DSCAML1: variants seen among roughly 807,000 people sequenced by gnomAD.
The protein encoded by DSCAML1 is cell adhesion molecule DSCAML1.
Under a neutral mutation model 200.5 loss-of-function variants are expected in DSCAML1, and 38 were observed. The observed-to-expected ratio is 0.19, with a 90% CI of 0.15 to 0.25. The LOEUF is 0.25. Among genes scored for constraint, DSCAML1 ranks in the 10% least tolerant of loss-of-function variants. The probability of loss-of-function intolerance (pLI) is 1.00; values close to 1 mark genes in which losing one functional copy is unlikely to be tolerated. For missense variants in DSCAML1, 2,223 were observed against 2,858.8 expected, an observed-to-expected ratio of 0.78 and a Z score of 5.07; for synonymous variants, 1,215 against 1,165.0, an observed-to-expected ratio of 1.04 and a Z score of -0.87.
At chr11:117,691,367 C>A (rs995453617) in intron 3 of DSCAML1, among the ~76,000 whole-genome samples, 16 of 152,170 alleles carry the variant, frequency 1.1e-4, no homozygotes, top group Non-Finnish European at 2.2e-4. Context: ...CTGCCAACGG[C>A]CTCCCCACTC....
At chr11:117,658,804 C>A (rs563518778) in intron 3 of DSCAML1, among the ~76,000 whole-genome samples, 1 of 152,342 alleles carries the variant, frequency 6.6e-6, no homozygotes, top group Non-Finnish European at 1.5e-5. Flanking sequence ...GTCAATGAAA[C>A]AAACCACACC....
At chr11:117,706,335 T>C (rs956595987) in intron 3 of DSCAML1, among the ~76,000 whole-genome samples, 7 of 152,204 alleles carry the variant, frequency 4.6e-5, no homozygotes, top group African/African-American at 1.7e-4. Context: ...TCCTGTTCTA[T>C]GCTGAGAGAA....
chr11:117,446,051 A>G (rs1268835246), intron 20 of DSCAML1, among the ~76,000 whole-genome samples: 1 of 152,214 alleles, frequency 6.6e-6, no homozygotes, highest in Non-Finnish European at 1.5e-5. Flanking sequence ...TGTAAAAAGA[A>G]AAACTATGAT....
intron 3 of DSCAML1, among the ~76,000 whole-genome samples, chr11:117,587,843 G>C (rs2051180340): frequency 6.6e-6 from 1 of 152,150 alleles, no homozygotes; most frequent in Admixed American, 6.5e-5. Context: ...TCCCTCCCAG[G>C]GGTGTGGGGA....
chr11:117,499,399 A>T (rs1323892384), intron 11 of DSCAML1, among the ~76,000 whole-genome samples: 1 of 152,142 alleles, frequency 6.6e-6, no homozygotes, highest in Non-Finnish European at 1.5e-5. Context: ...ACTAGATCTT[A>T]GTTCAGGCCT....
intron 3 of DSCAML1, among the ~76,000 whole-genome samples, chr11:117,580,091 CCTT>C (rs1845844162): frequency 6.6e-6 from 1 of 152,086 alleles, no homozygotes; most frequent in African/African-American, 2.4e-5. Flanking sequence ...GTGCTGAGCT[CCTT>C]AAGTGTTCGT....
intron 21 of DSCAML1, 26 bp downstream of exon 21, chr11:117,443,860 C>T (rs76148440): frequency 6.4e-7 from 1 of 1,561,226 alleles, no homozygotes. Flanking sequence ...GTGTTTGCCC[C>T]TCTGCCACAG....
At chr11:117,586,219 G>A (rs1591295329) in intron 3 of DSCAML1, among the ~76,000 whole-genome samples, 1 of 140,984 alleles carries the variant, frequency 7.1e-6, no homozygotes, top group Admixed American at 7.1e-5. Flanking sequence ...TCCTAGGGCT[G>A]TATTCTCTAC....
At chr11:117,748,884 T>A (rs183844531) in intron 3 of DSCAML1, among the ~76,000 whole-genome samples, 1 of 152,140 alleles carries the variant, frequency 6.6e-6, no homozygotes. Context: ...AGCAGCAAGA[T>A]GGAGGGTCCC....
At chr11:117,530,910 A>G (rs1385814668) in intron 4 of DSCAML1, among the ~76,000 whole-genome samples, 3 of 152,156 alleles carry the variant, frequency 2.0e-5, no homozygotes, top group Non-Finnish European at 2.9e-5. Context: ...CAAAAACTCC[A>G]ATCTCAAGAC....
chr11:117,517,207 A>G (rs1307456843), intron 7 of DSCAML1, among the ~76,000 whole-genome samples: 1 of 152,250 alleles, frequency 6.6e-6, no homozygotes, highest in Non-Finnish European at 1.5e-5. Context: ...TAATTACTTA[A>G]AAACAACAGG....
intron 3 of DSCAML1, among the ~76,000 whole-genome samples, chr11:117,618,148 A>G (rs1295333059): frequency 2.6e-5 from 4 of 152,222 alleles, no homozygotes; most frequent in African/African-American, 9.6e-5. Flanking sequence ...AAGCTATTCA[A>G]TACAGCTCCT....
chr11:117,481,106 G>T, intron 13 of DSCAML1, 68 bp downstream of exon 13: 1 of 1,447,414 alleles, frequency 6.9e-7, no homozygotes, highest in Non-Finnish European at 9.7e-7. Flanking sequence ...GCTCTTTGAG[G>T]TGGAGTTAGC....
intron 15 of DSCAML1, among the ~76,000 whole-genome samples, chr11:117,471,321 G>A (rs1361851092): frequency 2.6e-5 from 4 of 152,058 alleles, no homozygotes; most frequent in Non-Finnish European, 4.4e-5. Flanking sequence ...ACAGGCATGC[G>A]CCACCACGCC....
At chr11:117,460,715 G>C (rs1008393411) in intron 18 of DSCAML1, among the ~76,000 whole-genome samples, 1 of 152,018 alleles carries the variant, frequency 6.6e-6, no homozygotes. Flanking sequence ...CAAAAGTTTG[G>C]GCCATCTTAC....
chr11:117,810,705 C>T (rs184678790), intron 1 of DSCAML1, among the ~76,000 whole-genome samples: 1 of 152,316 alleles, frequency 6.6e-6, no homozygotes, highest in African/African-American at 2.4e-5. Context: ...ACAGTAGTTC[C>T]AAATAGCCGG....
intron 3 of DSCAML1, among the ~76,000 whole-genome samples, chr11:117,688,959 G>A (rs1053699946): frequency 2.0e-5 from 3 of 152,144 alleles, no homozygotes; most frequent in Non-Finnish European, 4.4e-5. Context: ...TATCATTGAG[G>A]ACACCAGCCC....
At position 117,640,024 on chromosome 11, in the gene DSCAML1, G is replaced by A. The variant is rs959536646; in HGVS notation, c.512-107502C>T. Among the ~76,000 whole-genome samples, 4 of 152,302 alleles carry A rather than the reference G, an allele frequency of 2.6e-5. No individual in the cohort carries two copies. The South Asian group carries it at 6.2e-4, about 24-fold the overall frequency. On this transcript the variant is annotated intron_variant, in intron 3 of 32. Transcript: ENST00000651296. ...TGCTGTGACTTGGGTGGGTGGGCTC[G>A]TGGAATGGTCCTCTGGAGCTTGGGA... is the stretch of plus-strand genomic sequence containing the variant.
At chr11:117,486,292 G>A (rs1310309787) in intron 11 of DSCAML1, among the ~76,000 whole-genome samples, 73 of 124,840 alleles carry the variant, frequency 5.8e-4, no homozygotes, top group African/African-American at 1.6e-3. Context: ...ATGTGAAAAT[G>A]GCAGATGTGA....
Sources: gnomAD v4.1 joint callset for allele counts (sites outside exome capture counted in the v4.1 genomes callset) on GRCh38, gnomAD v4.1.1 for gene constraint, MANE v1.5 for transcripts, NCBI Gene and HGNC (gene_info 2026-07-23, HGNC 2026-07-21) for gene names.